Variants in MAGI1 observed in about 807,000 individuals in gnomAD.
MAGI1 encodes the protein membrane-associated guanylate kinase, WW and PDZ domain-containing protein 1.
MAGI1 carries 58 observed loss-of-function variants against 139.9 expected under a neutral mutation model. The observed-to-expected ratio is 0.41, with a 90% CI of 0.34 to 0.52. The LOEUF (loss-of-function observed/expected upper bound fraction) is 0.52. MAGI1 is among the 20% of genes least tolerant of loss of function. The pLI is 0.12. For synonymous variants in MAGI1, 812 were observed against 737.9 expected (o/e 1.10, Z -1.63); for missense variants, 1,874 against 1,901.6 (o/e 0.99, Z 0.27).
intron 1 of MAGI1, among the ~76,000 whole-genome samples, chr3:65,722,489 T>C (rs1277539146): frequency 1.3e-5 from 2 of 150,938 alleles, no homozygotes; most frequent in Non-Finnish European, 2.9e-5. Flanking sequence ...AAAAATTAGC[T>C]AGACACAGTG....
intron 1 of MAGI1, among the ~76,000 whole-genome samples, chr3:65,854,202 A>G (rs954296649): frequency 2.0e-5 from 3 of 150,838 alleles, no homozygotes; most frequent in African/African-American, 7.3e-5. Flanking sequence ...AGCATCGGCT[A>G]CTCAGGAGGC....
chr3:65,695,932 T>A (rs1238417921), intron 1 of MAGI1, among the ~76,000 whole-genome samples: 2 of 152,148 alleles, frequency 1.3e-5, no homozygotes, highest in African/African-American at 4.8e-5. Context: ...CTTTCCTTGT[T>A]GCTACCCTCC....
chr3:65,620,476 C>G (rs995035286), intron 2 of MAGI1, among the ~76,000 whole-genome samples: 4 of 152,172 alleles, frequency 2.6e-5, no homozygotes, highest in African/African-American at 9.6e-5. Flanking sequence ...TCAGGAGACT[C>G]GAAGCCCTGA....
intron 2 of MAGI1, among the ~76,000 whole-genome samples, chr3:65,604,202 A>C (rs1364208919): frequency 1.3e-5 from 2 of 152,148 alleles, no homozygotes; most frequent in Non-Finnish European, 2.9e-5. Flanking sequence ...CAAAAAAAAA[A>C]AGTATCTGAG....
At chr3:65,615,123 C>T (rs2083304866) in intron 2 of MAGI1, among the ~76,000 whole-genome samples, 1 of 152,004 alleles carries the variant, frequency 6.6e-6, no homozygotes, top group African/African-American at 2.4e-5. Flanking sequence ...CATGGACTAG[C>T]ATAAACAAAG....
intron 2 of MAGI1, among the ~76,000 whole-genome samples, chr3:65,612,476 G>T (rs62244991): frequency 5.3e-5 from 8 of 152,016 alleles, no homozygotes; most frequent in Non-Finnish European, 1.2e-4. Context: ...TAAAAATAAT[G>T]ATGTGTTATT....
At chr3:65,635,129 G>A (rs1293553993) in intron 1 of MAGI1, among the ~76,000 whole-genome samples, 2 of 151,976 alleles carry the variant, frequency 1.3e-5, no homozygotes, top group Non-Finnish European at 2.9e-5. Context: ...CAATGGTGTG[G>A]TCGTGGCTCT....
intron 2 of MAGI1, among the ~76,000 whole-genome samples, chr3:65,498,753 C>G (rs2076971089): frequency 6.6e-6 from 1 of 152,164 alleles, no homozygotes; most frequent in South Asian, 2.1e-4. Flanking sequence ...TGGAAATGTT[C>G]CATATCTGTG....
chr3:65,579,117 T>G (rs962789792), intron 2 of MAGI1, among the ~76,000 whole-genome samples: 1 of 152,068 alleles, frequency 6.6e-6, no homozygotes, highest in African/African-American at 2.4e-5. Flanking sequence ...ATCCATTGTG[T>G]ATGAATCACA....
chr3:65,874,356 A>G (rs1399884047), intron 1 of MAGI1: 1 of 152,120 alleles, frequency 6.6e-6, no homozygotes, highest in East Asian at 1.9e-4. Context: ...ATGAGAGAAC[A>G]TACTTAAAAT....
intron 1 of MAGI1, among the ~76,000 whole-genome samples, chr3:65,648,353 T>C (rs988323913): frequency 6.6e-6 from 1 of 152,078 alleles, no homozygotes; most frequent in Non-Finnish European, 1.5e-5. Context: ...TCTCATTATG[T>C]TGCCCAAGCT....
intron 2 of MAGI1, among the ~76,000 whole-genome samples, chr3:65,517,214 TC>T: frequency 6.6e-6 from 1 of 152,104 alleles, no homozygotes. Flanking sequence ...CTATTACTCC[TC>T]CCTACAACAC....
intron 2 of MAGI1, among the ~76,000 whole-genome samples, chr3:65,530,811 A>G (rs1177968272): frequency 5.3e-4 from 35 of 65,700 alleles, no homozygotes; most frequent in Admixed American, 3.9e-3. Flanking sequence ...ATATACACAC[A>G]TATATATACA....
At chr3:65,664,358 C>A (rs112671137) in intron 1 of MAGI1, among the ~76,000 whole-genome samples, 26,087 of 152,058 alleles carry the variant, frequency 0.17, 3,030 homozygotes, top group Non-Finnish European at 0.26. Flanking sequence ...AGGCTAATAG[C>A]GCTTATTCAG....
At chr3:65,838,834 T>C (rs938923307) in intron 1 of MAGI1, among the ~76,000 whole-genome samples, 1 of 152,216 alleles carries the variant, frequency 6.6e-6, no homozygotes, top group Non-Finnish European at 1.5e-5. Flanking sequence ...CCATTTTACA[T>C]TCCCACCAAC....
At chr3:65,779,569 T>C (rs1447461379) in intron 1 of MAGI1, among the ~76,000 whole-genome samples, 1 of 152,250 alleles carries the variant, frequency 6.6e-6, no homozygotes, top group East Asian at 1.9e-4. Flanking sequence ...GACCAAGAAT[T>C]GCACAATCGC....
chr3:65,434,059 G>T (rs1947660074), intron 10 of MAGI1, among the ~76,000 whole-genome samples: 1 of 152,044 alleles, frequency 6.6e-6, no homozygotes, highest in Admixed American at 6.6e-5. Flanking sequence ...CATAGATTTA[G>T]ACTACACAAA....
intron 2 of MAGI1, among the ~76,000 whole-genome samples, chr3:65,502,502 G>A (rs1370198254): frequency 6.6e-6 from 1 of 152,196 alleles, no homozygotes; most frequent in Non-Finnish European, 1.5e-5. Flanking sequence ...CACACCTGGA[G>A]TCCCAGCTAC....
chr3:65,940,004 A>G (rs1237561407), intron 1 of MAGI1, among the ~76,000 whole-genome samples: 1 of 152,216 alleles, frequency 6.6e-6, no homozygotes, highest in Non-Finnish European at 1.5e-5. Context: ...AGTGTGGCAG[A>G]GGCTGCAAGT....
Sources: gnomAD v4.1 joint callset for allele counts (sites outside exome capture counted in the v4.1 genomes callset) on GRCh38, gnomAD v4.1.1 for gene constraint, MANE v1.5 for transcripts, NCBI Gene and HGNC (gene_info 2026-07-23, HGNC 2026-07-21) for gene names.